SUPT3H: variants seen among roughly 807,000 people sequenced by gnomAD.
SUPT3H encodes the protein transcription initiation protein SPT3 homolog.
SUPT3H carries 44 observed loss-of-function variants against 44.3 expected under a neutral mutation model. That is an observed-to-expected ratio of 0.99 (90% CI 0.78 to 1.28). The LOEUF (loss-of-function observed/expected upper bound fraction) is 1.28, where lower values mean the gene tolerates loss of function less well. Among genes scored for constraint, SUPT3H ranks in the 50% most tolerant of loss-of-function variants. The pLI is 0.00. For missense variants in SUPT3H, 380 were observed against 387.1 expected, an observed-to-expected ratio of 0.98 and a Z score of 0.15; for synonymous variants, 124 against 125.6, an observed-to-expected ratio of 0.99 and a Z score of 0.09.
At chr6:44,974,258 A>T (rs1342247617) in intron 6 of SUPT3H, among the ~76,000 whole-genome samples, 1 of 151,252 alleles carries the variant, frequency 6.6e-6, no homozygotes, top group Non-Finnish European at 1.5e-5. Flanking sequence ...TGTATATATA[A>T]ATATATATAT....
chr6:44,953,278 A>C lies in SUPT3H; in HGVS notation c.801+32T>G, dbSNP rs2153473696. 4 of 1,558,706 alleles carry C rather than the reference A, an allele frequency of 2.6e-6. 1 individual carries two copies. The South Asian group carries it at 4.5e-5, about 17-fold the overall frequency. ...TACCAGATATGTGTCAAAATTCACAAATGTTTTAAGACAGATTTTTTTTGT... is the reference window on the plus strand; with the variant it reads ...TACCAGATATGTGTCAAAATTCACACATGTTTTAAGACAGATTTTTTTTGT... On this transcript the variant is annotated intron_variant, in intron 9 of 10. Transcript: ENST00000371459.
At position 45,050,878 on chromosome 6, in the gene SUPT3H, ATTTTTTTTTTTTT is replaced by A. The variant is rs35575281; in HGVS notation, c.187-30259_187-30247del. ...CCTTGTGTGTATAAGAGGGTATGGG[ATTTTTTTTTTTTT>A]TTTTTTTTTTTGAGATGGAGTCTCG... On this transcript the variant is annotated intron_variant, in intron 3 of 10. Coordinates refer to ENST00000371459, the MANE Select transcript of SUPT3H (RefSeq NM_003599.4). Among the ~76,000 whole-genome samples the A allele has an allele frequency of 4.6e-5, 4 of 86,174 alleles. No individual in the cohort carries two copies. In the East Asian group the frequency reaches 1.5e-3, roughly 32 times the overall value. 56.5% of individuals were successfully genotyped at this position (86,174 alleles called of 152,430 possible). A position where few individuals can be genotyped will look rare whatever the true frequency, so the allele number is the denominator to read the frequency against.
intron 10 of SUPT3H, among the ~76,000 whole-genome samples, chr6:44,897,243 C>T (rs1346176360): frequency 6.6e-6 from 1 of 152,168 alleles, no homozygotes; most frequent in Non-Finnish European, 1.5e-5. Flanking sequence ...CTGGGGTTAA[C>T]CTCAACTCTT....
Position 45,177,391 on chromosome 6 carries a change from T to C in SUPT3H, c.102-71385A>G, listed in dbSNP as rs1031347112. ...AGAAAAAAGAATAAAAAGAAACGAG[T>C]AAAGCCTCCAAGAAATATGGGACTA... On this transcript the variant is annotated intron_variant, in intron 2 of 10. Transcript: ENST00000371459. Among the ~76,000 whole-genome samples, 367 of 151,900 alleles carry C rather than the reference T, an allele frequency of 2.4e-3. 5 individuals carry two copies. The highest frequency in any genetic ancestry group is 0.021 in the Admixed American group (317 of 15,266).
At chr6:44,994,495 A>G (rs1019876807) in intron 6 of SUPT3H, among the ~76,000 whole-genome samples, 1 of 152,070 alleles carries the variant, frequency 6.6e-6, no homozygotes, top group Non-Finnish European at 1.5e-5. Flanking sequence ...ACTTCTTCCT[A>G]AAGTTCCAGA....
intron 2 of SUPT3H, among the ~76,000 whole-genome samples, chr6:45,363,388 T>C (rs1284704760): frequency 1.3e-5 from 2 of 152,136 alleles, no homozygotes; most frequent in Admixed American, 6.5e-5. Context: ...ATACTTCATA[T>C]TTTTTTAAAA....
intron 2 of SUPT3H, among the ~76,000 whole-genome samples, chr6:45,115,445 G>A (rs539581562): frequency 4.8e-4 from 73 of 152,148 alleles, no homozygotes; most frequent in African/African-American, 1.7e-3. Context: ...TTCTAGATTT[G>A]CAATACATGT....
At chr6:44,886,864 A>G (rs1473387583) in intron 10 of SUPT3H, among the ~76,000 whole-genome samples, 5 of 152,218 alleles carry the variant, frequency 3.3e-5, no homozygotes, top group Non-Finnish European at 7.3e-5. Flanking sequence ...TGCTATATTC[A>G]GGAAACCCAT....
At chr6:45,150,762 G>A (rs896296046) in intron 2 of SUPT3H, among the ~76,000 whole-genome samples, 16 of 118,466 alleles carry the variant, frequency 1.4e-4, no homozygotes, top group African/African-American at 4.1e-4. Context: ...TCACTCTGTC[G>A]CCCAGGCTGG....
rs114577571 is a variant in SUPT3H at position 45,189,097 on chromosome 6, C to T, written c.102-83091G>A. On this transcript the variant is annotated intron_variant, in intron 2 of 10. Transcript: ENST00000371459. ...GATTACAGGCATGAGCCACCAGATC[C>T]GACCCACTGGCCATTTCTTAGAAAG... 3.1e-3 allele frequency among the ~76,000 whole-genome samples: 474 copies of T among 151,984 alleles called. 1 individual carries two copies. The highest frequency in any genetic ancestry group is 6.4e-3 in the African/African-American group (267 of 41,432).
chr6:44,886,506 A>C (rs142587602), intron 10 of SUPT3H, among the ~76,000 whole-genome samples: 3,527 of 152,152 alleles, frequency 0.023, 45 homozygotes, highest in Non-Finnish European at 0.033. Flanking sequence ...AATTTCATAT[A>C]CAGCCAAACT....
rs542470026 is a variant in SUPT3H at position 44,904,455 on chromosome 6, C to T, written c.912+28198G>A. On this transcript the variant is annotated intron_variant, in intron 10 of 10. Transcript: ENST00000371459. Reference sequence around the variant, plus strand: ...GAGAATAAAATACCTAGGAATCCAACTTACAAGGGACATGAAGGACCTCTT... The same window carrying T: ...GAGAATAAAATACCTAGGAATCCAATTTACAAGGGACATGAAGGACCTCTT... Among the ~76,000 whole-genome samples the T allele has an allele frequency of 4.5e-4, 69 of 152,258 alleles. 1 individual carries two copies. Among genetic ancestry groups the T allele is most frequent in the Admixed American group, 1.6e-3 (24 of 15,290 alleles).
chr6:44,937,845 C>T (rs937649374), intron 9 of SUPT3H, among the ~76,000 whole-genome samples: 6 of 148,402 alleles, frequency 4.0e-5, no homozygotes, highest in South Asian at 2.1e-4. Context: ...AGTCCCCTGT[C>T]GGATGCACAA....
chr6:45,035,066 C>T (rs1157695163), intron 3 of SUPT3H, among the ~76,000 whole-genome samples: 1 of 152,108 alleles, frequency 6.6e-6, no homozygotes, highest in Non-Finnish European at 1.5e-5. Flanking sequence ...AATATAGTTT[C>T]TATGGAGTAT....
chr6:45,241,343 C>G lies in SUPT3H; in HGVS notation c.101+123858G>C, dbSNP rs554142258. Among the ~76,000 whole-genome samples, 3 of 152,260 alleles carry G rather than the reference C, an allele frequency of 2.0e-5. No homozygotes were observed. The South Asian group carries it at 6.2e-4, about 32-fold the overall frequency. Reference sequence around the variant, plus strand: ...TTTACCAGAATGAGGGCAAGGAATACCTGGCCCACCCAGGGCAGAAAACCA... The same window carrying G: ...TTTACCAGAATGAGGGCAAGGAATAGCTGGCCCACCCAGGGCAGAAAACCA... On this transcript the variant is annotated intron_variant, in intron 2 of 10. Transcript: ENST00000371459.
intron 3 of SUPT3H, among the ~76,000 whole-genome samples, chr6:45,029,362 C>T (rs1373738102): frequency 6.1e-5 from 8 of 130,170 alleles, no homozygotes; most frequent in Non-Finnish European, 1.7e-5. Context: ...TATATATATA[C>T]ATATTCTTTA....
chr6:45,222,917 T>C (rs1313164059), intron 2 of SUPT3H, among the ~76,000 whole-genome samples: 2 of 152,166 alleles, frequency 1.3e-5, no homozygotes, highest in Admixed American at 6.5e-5. Flanking sequence ...CATGGAATTA[T>C]GTTTGAGTAA....
intron 10 of SUPT3H, among the ~76,000 whole-genome samples, chr6:44,839,598 C>A (rs1770554416): frequency 6.6e-6 from 1 of 152,136 alleles, no homozygotes; most frequent in South Asian, 2.1e-4. Flanking sequence ...TCACTTTTAA[C>A]ATAAGTTATT....
chr6:45,285,279 A>G (rs1038360966), intron 2 of SUPT3H, among the ~76,000 whole-genome samples: 2 of 152,058 alleles, frequency 1.3e-5, no homozygotes, highest in African/African-American at 2.4e-5. Context: ...AGGGTATTCA[A>G]TTAGGAAAAG....
Sources: allele counts gnomAD v4.1 joint callset (sites outside exome capture counted in the v4.1 genomes callset), GRCh38; gene constraint gnomAD v4.1.1; transcripts MANE v1.5; gene names NCBI Gene and HGNC (gene_info 2026-07-23, HGNC 2026-07-21).